PAX5: variants seen among roughly 807,000 people sequenced by gnomAD.
PAX5 encodes the protein paired box 5.
Under a neutral mutation model 43.7 loss-of-function variants are expected in PAX5, and 9 were observed. The observed-to-expected ratio is 0.21, with a 90% CI of 0.12 to 0.36. The LOEUF (loss-of-function observed/expected upper bound fraction) is 0.36, where lower values mean the gene tolerates loss of function less well. PAX5 is among the 10% of genes least tolerant of loss of function. PAX5 has a pLI of 1.00. For synonymous variants in PAX5, 228 were observed against 214.3 expected (o/e 1.06, Z -0.56); for missense variants, 383 against 532.7 (o/e 0.72, Z 2.77).
chr9:36,844,026 A>C (rs57818793), intron 9 of PAX5, among the ~76,000 whole-genome samples: 1 of 152,186 alleles, frequency 6.6e-6, no homozygotes, highest in Non-Finnish European at 1.5e-5. Context: ...AGATTCTAGG[A>C]GTCCCAAATA....
chr9:36,890,402 G>A (rs148471002), intron 7 of PAX5, among the ~76,000 whole-genome samples: 140 of 152,254 alleles, frequency 9.2e-4, no homozygotes, highest in Non-Finnish European at 1.5e-3. Context: ...GAATATGGGG[G>A]AACTGGCTGG....
rs772407936 is a variant in PAX5 at position 36,882,149 on chromosome 9, G to C, written c.911-44C>G. On this transcript the variant is annotated intron_variant, in intron 7 of 9. Coordinates refer to ENST00000358127, the MANE Select transcript of PAX5 (RefSeq NM_016734.3). This position sits in a 1 kb window ranked among gnomAD's most constrained non-coding sequence, Gnocchi z 4.4. ...AAATCACAGGGTGAGCATCTTCGCG[G>C]CCAGCCGCTCATGTCCACAGCTCCC... is the stretch of plus-strand genomic sequence containing the variant. 2.7e-6 allele frequency: 4 copies of C among 1,473,412 alleles called. No homozygotes were observed. The South Asian group carries it at 3.9e-5, about 14-fold the overall frequency. 91.3% of individuals were successfully genotyped at this position (1,473,412 alleles called of 1,614,324 possible).
At chr9:36,978,741 AG>A (rs1253984184) in intron 5 of PAX5, among the ~76,000 whole-genome samples, 5 of 152,156 alleles carry the variant, frequency 3.3e-5, no homozygotes, top group Admixed American at 2.0e-4. Context: ...AGTGAGAGGG[AG>A]GAAAAAAAAG....
At chr9:36,987,617 C>T (rs956580936) in intron 5 of PAX5, among the ~76,000 whole-genome samples, 2 of 152,228 alleles carry the variant, frequency 1.3e-5, no homozygotes, top group African/African-American at 4.8e-5. Context: ...AACGAGATGG[C>T]TCAGGCACAG....
intron 7 of PAX5, among the ~76,000 whole-genome samples, chr9:36,893,259 A>G (rs1827555286): frequency 1.3e-5 from 2 of 152,218 alleles, no homozygotes; most frequent in East Asian, 3.8e-4. Context: ...GGCCAGTGTC[A>G]TGGCAGGAAC....
chr9:36,858,857 G>T (rs78846971), intron 8 of PAX5, among the ~76,000 whole-genome samples: 15 of 152,140 alleles, frequency 9.9e-5, no homozygotes, highest in East Asian at 3.9e-4. Context: ...GCTCTGCTGG[G>T]CTCAGCGCTG....
At chr9:36,873,568 G>A (rs541200591) in intron 8 of PAX5, among the ~76,000 whole-genome samples, 39 of 152,234 alleles carry the variant, frequency 2.6e-4, no homozygotes, top group African/African-American at 8.7e-4. Context: ...GAGCTACCAG[G>A]AGCCCCAGCA....
rs928327811 is a variant in PAX5 at position 36,946,034 on chromosome 9, C to G, written c.780+20515G>C. On this transcript the variant is annotated intron_variant, in intron 6 of 9. Coordinates refer to ENST00000358127, the MANE Select transcript of PAX5 (RefSeq NM_016734.3). ...TATACCTCCCCCTAAAGGAACAGCA[C>G]GCAGGAAACTCTGCAGTGCTCCATC... Among the ~76,000 whole-genome samples the G allele has an allele frequency of 2.0e-5, 3 of 152,236 alleles. No individual in the cohort carries two copies. In the South Asian group the frequency reaches 6.2e-4, roughly 32 times the overall value.
chr9:36,859,589 C>G (rs951021305), intron 8 of PAX5, among the ~76,000 whole-genome samples: 2 of 152,204 alleles, frequency 1.3e-5, no homozygotes, highest in Non-Finnish European at 2.9e-5. Context: ...CCCCCTCCTC[C>G]CTCCCCGGCT....
At chr9:36,902,269 C>A (rs1164842442) in intron 7 of PAX5, among the ~76,000 whole-genome samples, 1 of 152,184 alleles carries the variant, frequency 6.6e-6, no homozygotes, top group Non-Finnish European at 1.5e-5. Flanking sequence ...TATATCAGTT[C>A]CCCCTTCTTC....
chr9:36,933,937 T>C (rs1475395551), intron 6 of PAX5, among the ~76,000 whole-genome samples: 1 of 152,104 alleles, frequency 6.6e-6, no homozygotes, highest in Admixed American at 6.5e-5. Context: ...GACTCACTAA[T>C]GTCTGTGCCC....
intron 5 of PAX5, among the ~76,000 whole-genome samples, chr9:36,967,449 G>T (rs576454330): frequency 2.0e-5 from 3 of 152,292 alleles, no homozygotes; most frequent in South Asian, 2.1e-4. Context: ...GTTTATTTGT[G>T]GGGGGTTGGT....
At chr9:36,939,385 A>G (rs985039900) in intron 6 of PAX5, among the ~76,000 whole-genome samples, 5 of 152,056 alleles carry the variant, frequency 3.3e-5, no homozygotes, top group Non-Finnish European at 7.4e-5. Context: ...TTTTAACCCA[A>G]ACCACCAGAC....
Position 36,882,127 on chromosome 9 carries a change from T to C in PAX5, c.911-22A>G. ...CGGCCTGAGGAATCAAAGCAACAAA[T>C]CACAGGGTGAGCATCTTCGCGGCCA... is the stretch of plus-strand genomic sequence containing the variant. On this transcript the variant is annotated intron_variant, in intron 7 of 9. Coordinates refer to ENST00000358127, the MANE Select transcript of PAX5 (RefSeq NM_016734.3). This position sits in a 1 kb window ranked among gnomAD's most constrained non-coding sequence, Gnocchi z 4.4. The C allele has an allele frequency of 6.4e-7, 1 of 1,557,606 alleles. No homozygotes were observed. Among genetic ancestry groups the C allele is most frequent in the Non-Finnish European group, 8.7e-7 (1 of 1,143,760 alleles).
In PAX5 at chr9:37,012,404, A is replaced by G. The variant is rs1839012407; in HGVS notation, c.410+2593T>C. ...TGGCCTCTGTTGCTACAACTGCCAC[A>G]GGATAGAGTCAAGCCTTAAGGACTA... On this transcript the variant is annotated intron_variant, in intron 3 of 9. Coordinates refer to ENST00000358127, the MANE Select transcript of PAX5 (RefSeq NM_016734.3). Among the ~76,000 whole-genome samples the G allele has an allele frequency of 2.6e-5, 4 of 152,272 alleles. No individual in the cohort carries two copies. The South Asian group carries it at 8.3e-4, about 32-fold the overall frequency.
chr9:36,946,760 G>A (rs535156994), intron 6 of PAX5, among the ~76,000 whole-genome samples: 353 of 152,316 alleles, frequency 2.3e-3, no homozygotes, highest in Non-Finnish European at 4.3e-3. Context: ...TGGTGAGCTG[G>A]CCTGGAAGCA....
rs1306295623 is a variant in PAX5 at position 36,835,697 on chromosome 9, C to T, written c.*4863G>A. On this transcript the variant is annotated 3_prime_UTR_variant, in exon 10 of 10. Coordinates refer to ENST00000358127, the MANE Select transcript of PAX5 (RefSeq NM_016734.3). ...TCGGACCTCTCCGAGGCCAAAAGAA[C>T]GAAAGAAATAGTTTCCCCAGGAGAG... 6 of 233,108 alleles carry T rather than the reference C, an allele frequency of 2.6e-5. No individual in the cohort carries two copies. Among genetic ancestry groups the T allele is most frequent in the Non-Finnish European group, 5.1e-5 (6 of 118,028 alleles). 14.4% of individuals were successfully genotyped at this position (233,108 alleles called of 1,614,324 possible). A position where few individuals can be genotyped will look rare whatever the true frequency, so the allele number is the denominator to read the frequency against.
In PAX5 at chr9:36,834,779, AC is replaced by A. The variant is rs1242746643; in HGVS notation, c.*5780del. ...ATGATGCTTTTGGAGAAGATGAGGGACGTGGCCACAGGCATGGTGATTTTGG... is the reference window on the plus strand; with the variant it reads ...ATGATGCTTTTGGAGAAGATGAGGGAGTGGCCACAGGCATGGTGATTTTGG... On this transcript the variant is annotated 3_prime_UTR_variant, in exon 10 of 10. Coordinates refer to ENST00000358127, the MANE Select transcript of PAX5 (RefSeq NM_016734.3). 8.8e-6 allele frequency: 2 copies of A among 227,558 alleles called. No individual in the cohort carries two copies. Among genetic ancestry groups the A allele is most frequent in the Non-Finnish European group, 8.6e-6 (1 of 116,140 alleles). The allele number at this position is 227,558 out of a possible 1,614,324, so 14.1% of individuals were successfully genotyped here.
At position 36,840,323 on chromosome 9, in the gene PAX5, T is replaced by C. The variant is rs561069550; in HGVS notation, c.*237A>G. Reference sequence around the variant, plus strand: ...AGTCTATTGGTTTGCAGAGACCCAGTGGCCATCGGGAGAAGCTCATAGATT... The same window carrying C: ...AGTCTATTGGTTTGCAGAGACCCAGCGGCCATCGGGAGAAGCTCATAGATT... On this transcript the variant is annotated 3_prime_UTR_variant, in exon 10 of 10. Transcript: ENST00000358127. The C allele has an allele frequency of 1.8e-5, 11 of 606,446 alleles. No homozygotes were observed. Among genetic ancestry groups the C allele is most frequent in the Admixed American group, 8.5e-5 (3 of 35,432 alleles). The allele number at this position is 606,446 out of a possible 1,614,324, so 37.6% of individuals were successfully genotyped here.
Sources: allele counts gnomAD v4.1 joint callset (sites outside exome capture counted in the v4.1 genomes callset), GRCh38; gene constraint gnomAD v4.1.1; non-coding constraint Gnocchi (gnomAD v3.1); transcripts MANE v1.5; gene names NCBI Gene and HGNC (gene_info 2026-07-23, HGNC 2026-07-21).